HHLA2: variants seen among roughly 807,000 people sequenced by gnomAD.
HHLA2 encodes HERV-H LTR-associating protein 2.
In HHLA2, 48 loss-of-function variants were observed where a neutral mutation model predicts 45.9. That is an observed-to-expected ratio of 1.05 (90% CI 0.83 to 1.33). The LOEUF is 1.33. Among genes scored for constraint, HHLA2 ranks in the 40% most tolerant of loss-of-function variants. The pLI is 0.00. For missense variants in HHLA2, 462 were observed against 494.3 expected (o/e 0.93, Z 0.62); for synonymous variants, 161 against 173.9 (o/e 0.93, Z 0.59).
chr3:108,331,885 G>A (rs1182023908), intron 3 of HHLA2, among the ~76,000 whole-genome samples: 1 of 152,016 alleles, frequency 6.6e-6, no homozygotes, highest in African/African-American at 2.4e-5. Context: ...AAACAATCAT[G>A]AAATTTTAAA....
At chr3:108,329,080 G>A (rs907487273) in intron 3 of HHLA2, among the ~76,000 whole-genome samples, 3 of 152,056 alleles carry the variant, frequency 2.0e-5, no homozygotes, top group Non-Finnish European at 2.9e-5. Flanking sequence ...AGCTAAGTTA[G>A]GATGCAAAAA....
rs540075445 is a variant in HHLA2 at position 108,347,211 on chromosome 3, T to A, written c.-26-4577T>A. On this transcript the variant is annotated intron_variant, in intron 3 of 10. Coordinates refer to ENST00000619531, the Ensembl canonical transcript of HHLA2. ...TCATTAACTGCCTCACTTAGCTGAA[T>A]GCTGAAATTATTTCAACAGCACTAA... Among the ~76,000 whole-genome samples the A allele has an allele frequency of 5.3e-5, 8 of 152,368 alleles. 1 individual carries two copies. The highest frequency in any genetic ancestry group is 1.7e-4 in the African/African-American group (7 of 41,590).
chr3:108,355,495 C>T, intron 6 of HHLA2, 114 bp downstream of exon 5: 1 of 1,264,712 alleles, frequency 7.9e-7, no homozygotes, highest in Non-Finnish European at 1.1e-6. Context: ...AATCCATCTG[C>T]AGCGGTTAGA....
chr3:108,346,121 C>T (rs77803546), intron 3 of HHLA2, among the ~76,000 whole-genome samples: 14 of 151,726 alleles, frequency 9.2e-5, no homozygotes, highest in Non-Finnish European at 1.6e-4. Context: ...TCCCCCAAAA[C>T]GTTAGCACAT....
intron 2 of HHLA2, chr3:108,325,578 C>T (rs776268191): frequency 3.9e-6 from 1 of 256,878 alleles, no homozygotes; most frequent in African/African-American, 2.3e-5. Context: ...AAAGTATTGG[C>T]CTCCCCCACC....
At chr3:108,345,870 G>C (rs754068954) in intron 3 of HHLA2, among the ~76,000 whole-genome samples, 1 of 152,150 alleles carries the variant, frequency 6.6e-6, no homozygotes, top group Non-Finnish European at 1.5e-5. Context: ...TTTAACCACT[G>C]GGGGGCAACT....
rs372491893 is a variant in HHLA2 at position 108,312,533 on chromosome 3, C to A, written c.-105+1792C>A. Among the ~76,000 whole-genome samples the A allele has an allele frequency of 9.2e-4, 140 of 152,294 alleles. 1 individual carries two copies. Among genetic ancestry groups the A allele is most frequent in the African/African-American group, 3.2e-3 (134 of 41,558 alleles). ...ACTCTTCCAGAGATTTACCTTTGCC[C>A]AGAGATGCCTGGGAAGCTATGATGT... On this transcript the variant is annotated intron_variant, in intron 2 of 10. Coordinates refer to ENST00000619531, the Ensembl canonical transcript of HHLA2.
At chr3:108,363,838 C>T (rs575355808) in intron 8 of HHLA2, among the ~76,000 whole-genome samples, 3 of 152,116 alleles carry the variant, frequency 2.0e-5, no homozygotes, top group Non-Finnish European at 4.4e-5. Context: ...ACTTATGAGA[C>T]AGTATATTCA....
exon 11 of HHLA2, chr3:108,377,587 GCT>G: frequency 3.6e-6 from 1 of 279,760 alleles, no homozygotes; most frequent in Non-Finnish European, 6.8e-6. Context: ...GTTACAGTGA[GCT>G]CTCCACTAAG....
chr3:108,304,409 G>A (rs1184637735), intron 1 of HHLA2, among the ~76,000 whole-genome samples: 1 of 152,088 alleles, frequency 6.6e-6, no homozygotes, highest in Non-Finnish European at 1.5e-5. Flanking sequence ...CCAACTTCTG[G>A]CGACTCCTGG....
exon 11 of HHLA2, chr3:108,378,071 C>G (rs1215907192): frequency 6.6e-6 from 1 of 152,052 alleles, no homozygotes; most frequent in African/African-American, 2.4e-5. Context: ...ACTTTGTAAT[C>G]TTCCCCACCC....
Position 108,353,671 on chromosome 3 carries a change from TG to T in HHLA2, c.310del (p.Ala104ArgfsTer8). 6.2e-7 allele frequency: 1 copy of T among 1,613,716 alleles called. No individual in the cohort carries two copies. The highest frequency in any genetic ancestry group is 8.5e-7 in the Non-Finnish European group (1 of 1,179,778). On this transcript the variant is annotated frameshift_variant, in exon 5 of 11. Coordinates refer to ENST00000619531, the Ensembl canonical transcript of HHLA2. LOFTEE classifies it high-confidence loss of function. ...TCTATAATGAGATTCAAAATGGGAATGCGTCGCTATTTTTCAGAAGAGTAAG... is the reference window on the plus strand; with the variant it reads ...TCTATAATGAGATTCAAAATGGGAATCGTCGCTATTTTTCAGAAGAGTAAG...
intron 4 of HHLA2, 95 bp from the exon 4 acceptor site, chr3:108,353,332 C>T (rs1265736811): frequency 2.7e-6 from 2 of 736,624 alleles, no homozygotes; most frequent in Non-Finnish European, 4.3e-6. Context: ...AATCAGGCTG[C>T]TAACCTAGGA....
intron 7 of HHLA2, among the ~76,000 whole-genome samples, chr3:108,359,959 G>A (rs949184597): frequency 6.6e-6 from 1 of 152,080 alleles, no homozygotes; most frequent in Non-Finnish European, 1.5e-5. Context: ...GGTTCTATTG[G>A]GCATCTTCTT....
intron 3 of HHLA2, among the ~76,000 whole-genome samples, chr3:108,348,146 C>G (rs1450164025): frequency 6.6e-6 from 1 of 151,766 alleles, no homozygotes; most frequent in Non-Finnish European, 1.5e-5. Context: ...AGTAGAAAAC[C>G]TGGTAACATT....
intron 6 of HHLA2, 75 bp downstream of exon 5, chr3:108,355,456 A>C: frequency 4.1e-6 from 6 of 1,478,834 alleles, no homozygotes; most frequent in African/African-American, 1.4e-5. Context: ...TTTGCAAAAA[A>C]AGAAAGGAAG....
At chr3:108,359,911 T>G (rs2081959720) in intron 7 of HHLA2, among the ~76,000 whole-genome samples, 1 of 152,174 alleles carries the variant, frequency 6.6e-6, no homozygotes, top group Non-Finnish European at 1.5e-5. Context: ...CCTTCCATGT[T>G]TATGCCTTGG....
At chr3:108,345,831 G>C (rs1375107019) in intron 3 of HHLA2, among the ~76,000 whole-genome samples, 1 of 152,224 alleles carries the variant, frequency 6.6e-6, no homozygotes, top group East Asian at 1.9e-4. Context: ...ACCAGGAAGA[G>C]CATAGGAGCT....
intron 1 of HHLA2, among the ~76,000 whole-genome samples, chr3:108,302,297 T>C (rs1349219334): frequency 6.6e-6 from 1 of 152,186 alleles, no homozygotes; most frequent in Non-Finnish European, 1.5e-5. Context: ...CTGGAAACCA[T>C]GATTACTGGA....
Sources: allele counts gnomAD v4.1 joint callset (sites outside exome capture counted in the v4.1 genomes callset), GRCh38; gene constraint gnomAD v4.1.1; transcripts MANE v1.5; gene names NCBI Gene and HGNC (gene_info 2026-07-23, HGNC 2026-07-21).